PVT1: variants seen among roughly 807,000 people sequenced by gnomAD.
PVT1 encodes Pvt1 oncogene.
At chr8:127,921,808 G>A (rs1816061531) in intron 3 of PVT1, among the ~76,000 whole-genome samples, 1 of 9,402 alleles carries the variant, frequency 1.1e-4, no homozygotes, top group African/African-American at 1.0e-3. Context: ...GCGAGACTCT[G>A]TCTGGAAAAT....
intron 3 of PVT1, among the ~76,000 whole-genome samples, chr8:127,960,435 C>T (rs1177298958): frequency 6.6e-6 from 1 of 152,036 alleles, no homozygotes; most frequent in Non-Finnish European, 1.5e-5. Context: ...TAAGGCTGGG[C>T]GGGTGTGCCT....
At chr8:127,809,056 G>GAAAAA (rs1814561989) in intron 2 of PVT1, among the ~76,000 whole-genome samples, 2 of 86,570 alleles carry the variant, frequency 2.3e-5, no homozygotes, top group South Asian at 4.1e-4. Context: ...AAAAAAAAAA[G>GAAAAA]AAAGAAAAAA....
chr8:127,999,516 C>T (rs993280823), intron 4 of PVT1, among the ~76,000 whole-genome samples: 1 of 151,446 alleles, frequency 6.6e-6, no homozygotes, highest in African/African-American at 2.4e-5. Context: ...AGCTGGAGTG[C>T]AGTGGTGTGA....
At chr8:127,807,893 G>A (rs948341506) in intron 2 of PVT1, among the ~76,000 whole-genome samples, 10 of 151,128 alleles carry the variant, frequency 6.6e-5, no homozygotes, top group African/African-American at 1.9e-4. Flanking sequence ...TCAGCCTCCC[G>A]AGTAGCTGGG....
At chr8:127,998,563 T>TC in intron 4 of PVT1, among the ~76,000 whole-genome samples, 1 of 143,602 alleles carries the variant, frequency 7.0e-6, no homozygotes, top group Non-Finnish European at 1.5e-5. Flanking sequence ...CTCTCTTCCT[T>TC]CCTTCCCTTC....
intron 3 of PVT1, among the ~76,000 whole-genome samples, chr8:127,968,968 T>C (rs1024781498): frequency 1.3e-5 from 2 of 152,164 alleles, no homozygotes; most frequent in African/African-American, 4.8e-5. Flanking sequence ...ACGGCCCTGC[T>C]GTCCCCTTGA....
chr8:127,812,121 A>G (rs933771520), intron 2 of PVT1, among the ~76,000 whole-genome samples: 1 of 141,322 alleles, frequency 7.1e-6, no homozygotes, highest in African/African-American at 2.6e-5. Context: ...AAGAAAAGAA[A>G]GGAAAAGAAA....
At chr8:127,970,289 GTTTTTTTT>G (rs68010926) in intron 3 of PVT1, among the ~76,000 whole-genome samples, 67 of 49,116 alleles carry the variant, frequency 1.4e-3, no homozygotes, top group African/African-American at 4.5e-3. Context: ...GCCATGATTT[GTTTTTTTT>G]TTTTTTTTTT....
chr8:127,927,106 C>G (rs1284941088), intron 3 of PVT1, among the ~76,000 whole-genome samples: 1 of 152,172 alleles, frequency 6.6e-6, no homozygotes, highest in Non-Finnish European at 1.5e-5. Context: ...AAGTCCGGGC[C>G]CTGTTGCTCA....
chr8:127,939,597 A>G (rs990285727), intron 3 of PVT1: 1 of 152,232 alleles, frequency 6.6e-6, no homozygotes, highest in Non-Finnish European at 1.5e-5. Flanking sequence ...TGGAGGCTGA[A>G]TCATCTCCCC....
intron 4 of PVT1, among the ~76,000 whole-genome samples, chr8:128,014,261 T>C (rs1817346342): frequency 6.6e-6 from 1 of 152,226 alleles, no homozygotes; most frequent in Non-Finnish European, 1.5e-5. Context: ...AGCTTTTCTC[T>C]GTGGATTTAT....
intron 5 of PVT1, among the ~76,000 whole-genome samples, chr8:128,080,208 G>C (rs1176351800): frequency 6.6e-6 from 1 of 152,182 alleles, no homozygotes; most frequent in African/African-American, 2.4e-5. Context: ...TTTGTGTGTA[G>C]GTTTTTGTGT....
At chr8:128,071,527 T>A (rs60696357) in intron 5 of PVT1, among the ~76,000 whole-genome samples, 51,201 of 149,466 alleles carry the variant, frequency 0.34, 8,965 homozygotes, top group Middle Eastern at 0.43. Context: ...ATAAAAATTT[T>A]TAAAAAAAAA....
intron 2 of PVT1, among the ~76,000 whole-genome samples, chr8:127,883,676 T>G (rs1318541926): frequency 6.6e-6 from 1 of 151,132 alleles, no homozygotes; most frequent in East Asian, 1.9e-4. Flanking sequence ...ATTTTAACTT[T>G]GGAAAAAAAG....
intron 2 of PVT1, among the ~76,000 whole-genome samples, chr8:127,841,962 G>A (rs971046004): frequency 2.1e-5 from 3 of 142,456 alleles, no homozygotes; most frequent in African/African-American, 7.4e-5. Context: ...CTGACCTTGT[G>A]ATCCACCCTC....
intron 3 of PVT1, among the ~76,000 whole-genome samples, chr8:127,980,468 T>C (rs1816870716): frequency 6.6e-6 from 1 of 152,046 alleles, no homozygotes; most frequent in African/African-American, 2.4e-5. Context: ...TGGGCCAGCG[T>C]TGGGCTCAGT....
chr8:127,843,233 G>A (rs1443384690), intron 2 of PVT1, among the ~76,000 whole-genome samples: 6 of 152,012 alleles, frequency 3.9e-5, no homozygotes, highest in Non-Finnish European at 1.5e-5. Context: ...GTGCATGCCT[G>A]TAATCCCAGC....
intron 2 of PVT1, among the ~76,000 whole-genome samples, chr8:127,890,200 C>T (rs566597679): frequency 9.8e-5 from 15 of 152,332 alleles, no homozygotes; most frequent in Middle Eastern, 3.4e-3. Context: ...CCCCTCAGCT[C>T]CCTGCAGGGA....
At chr8:127,989,223 C>T (rs1343963943) in exon 4 of PVT1, 1 of 152,216 alleles carries the variant, frequency 6.6e-6, no homozygotes. Context: ...CCTTTCAGCA[C>T]TCTGGACGGA....
Sources: gnomAD v4.1 joint callset for allele counts (sites outside exome capture counted in the v4.1 genomes callset) on GRCh38, gnomAD v4.1.1 for gene constraint, MANE v1.5 for transcripts, NCBI Gene and HGNC (gene_info 2026-07-23, HGNC 2026-07-21) for gene names.